Variants in BPTF observed in about 807,000 individuals in gnomAD.
The protein encoded by BPTF is nucleosome-remodeling factor subunit BPTF.
Under a neutral mutation model 292.5 loss-of-function variants are expected in BPTF, and 18 were observed. The ratio of observed to expected loss-of-function variants is 0.06; its 90% confidence interval spans 0.04 to 0.09. The LOEUF (loss-of-function observed/expected upper bound fraction) is 0.09. Ranked by LOEUF, BPTF falls within the 10% of genes least tolerant of loss-of-function variation. The pLI, the probability that BPTF is intolerant of heterozygous loss-of-function variation, is 1.00. For missense variants in BPTF, 2,726 were observed against 3,498.7 expected (o/e 0.78, Z 5.57); for synonymous variants, 1,225 against 1,251.9 (o/e 0.98, Z 0.45).
chr17:67,958,519 G>A (rs1367823444), intron 23 of BPTF, among the ~76,000 whole-genome samples: 3 of 152,194 alleles, frequency 2.0e-5, no homozygotes, highest in African/African-American at 4.8e-5. Context: ...CCTGAGGTCA[G>A]GAGTTCAACA....
chr17:67,830,809 C>T (rs958406955), intron 1 of BPTF, among the ~76,000 whole-genome samples: 4 of 152,158 alleles, frequency 2.6e-5, no homozygotes, highest in African/African-American at 9.7e-5. Flanking sequence ...CTGTACTTTC[C>T]CCCTTTTCTG....
intron 19 of BPTF, among the ~76,000 whole-genome samples, 166 bp from the exon 20 acceptor site, chr17:67,943,984 A>G (rs2065602827): frequency 6.6e-6 from 1 of 152,212 alleles, no homozygotes; most frequent in African/African-American, 2.4e-5. Flanking sequence ...CCTACTAAGC[A>G]ACATAAATAT....
chr17:67,976,635 G>A (rs1426017121), intron 27 of BPTF, among the ~76,000 whole-genome samples: 5 of 143,002 alleles, frequency 3.5e-5, no homozygotes, highest in African/African-American at 5.3e-5. Context: ...GCCGTGAGCT[G>A]TGATTACACC....
chr17:67,962,308 G>T (rs2067588670), intron 24 of BPTF, among the ~76,000 whole-genome samples: 1 of 152,184 alleles, frequency 6.6e-6, no homozygotes, highest in Non-Finnish European at 1.5e-5. Flanking sequence ...TATCAGCAAG[G>T]CCAGTCTGGT....
At chr17:67,895,199 G>A (rs113966366) in intron 7 of BPTF, among the ~76,000 whole-genome samples, 3,457 of 151,954 alleles carry the variant, frequency 0.023, 135 homozygotes, top group African/African-American at 0.079. Flanking sequence ...TGGGTGTGGT[G>A]GCACATGCCT....
chr17:67,841,331 C>T (rs1050001948), intron 1 of BPTF, among the ~76,000 whole-genome samples: 5 of 152,086 alleles, frequency 3.3e-5, no homozygotes, highest in African/African-American at 1.2e-4. Flanking sequence ...ATGGCTTGAA[C>T]CCAGGAGGCG....
Position 67,909,686 on chromosome 17 carries a change from A to G in BPTF, c.2917A>G (p.Lys973Glu), listed in dbSNP as rs1169551725. The G allele has an allele frequency of 1.9e-6, 3 of 1,602,500 alleles. No individual in the cohort carries two copies. The highest frequency in any genetic ancestry group is 4.5e-5 in the East Asian group (2 of 44,734). ...GCCTGATTCTGAAAAAGATGAGGTAAAAGGTTCAGATGCTGCAAAAGGAGC... is the reference window on the plus strand; with the variant it reads ...GCCTGATTCTGAAAAAGATGAGGTAGAAGGTTCAGATGCTGCAAAAGGAGC... The part of the protein sequence containing the change: ...IEPDSEKDEV[K>E]GSDAAKGADQ... The change falls in exon 10 of 28, where the codon AAA (lysine) becomes GAA (glutamate). Residue 973 changes from lysine to glutamate, a missense_variant. By Grantham distance (56) the Lys-to-Glu change is moderately conservative. Coordinates refer to ENST00000306378, the MANE Select transcript of BPTF (RefSeq NM_182641.4).
chr17:67,966,704 G>T, intron 26 of BPTF, 48 bp downstream of exon 26: 1 of 1,359,990 alleles, frequency 7.4e-7, no homozygotes, highest in South Asian at 1.6e-5. Context: ...CTCAGTGGAT[G>T]TTTTATTATC....
rs1478264999 is a variant in BPTF at position 67,866,786 on chromosome 17, T to C, written c.1660+99T>C. On this transcript the variant is annotated intron_variant, in intron 3 of 27. Coordinates refer to ENST00000306378, the MANE Select transcript of BPTF (RefSeq NM_182641.4). ...TTGAAAATAGATTAAAATTTTCAAG[T>C]ACAGTCGTGCATTGCTTAATGATGG... is the stretch of plus-strand genomic sequence containing the variant. The C allele has an allele frequency of 1.8e-5, 16 of 896,724 alleles. No homozygotes were observed. The African/African-American group carries it at 2.4e-4, about 13-fold the overall frequency. 55.5% of individuals were successfully genotyped at this position (896,724 alleles called of 1,614,324 possible). A position where few individuals can be genotyped will look rare whatever the true frequency, so the allele number is the denominator to read the frequency against.
intron 21 of BPTF, among the ~76,000 whole-genome samples, chr17:67,947,050 G>T (rs540890151): frequency 6.6e-6 from 1 of 152,132 alleles, no homozygotes; most frequent in Non-Finnish European, 1.5e-5. Flanking sequence ...TTCACAGTCC[G>T]TGAAACTCAC....
At chr17:67,871,368 G>A (rs2059721833) in intron 3 of BPTF, among the ~76,000 whole-genome samples, 1 of 147,370 alleles carries the variant, frequency 6.8e-6, no homozygotes, top group Non-Finnish European at 1.5e-5. Flanking sequence ...CTTGAACCCA[G>A]AGGCAGAGGT....
At chr17:67,949,231 G>A (rs1336542131) in intron 23 of BPTF, among the ~76,000 whole-genome samples, 3 of 152,078 alleles carry the variant, frequency 2.0e-5, no homozygotes. Context: ...CAAACATGGT[G>A]GCATACGCCT....
chr17:67,874,848 G>A lies in BPTF; in HGVS notation c.1692G>A (p.Lys564=), dbSNP rs779723761. The A allele has an allele frequency of 3.7e-6, 6 of 1,612,936 alleles. No homozygotes were observed. The Admixed American group carries it at 1.0e-4, about 27-fold the overall frequency. ...EEILESIRAK[K]GDIDNVKSPE... is the part of the protein sequence containing the mutation. ...TTTTGGAATCCATAAGAGCCAAAAA[G>A]GGAGACATTGATAATGTTAAAAGCC... The change falls in exon 4 of 28, where the codon AAG becomes AAA. Residue 564 remains lysine (K), a synonymous_variant. Coordinates refer to ENST00000306378, the MANE Select transcript of BPTF (RefSeq NM_182641.4).
chr17:67,841,707 A>T (rs1404633389), intron 1 of BPTF, among the ~76,000 whole-genome samples: 1 of 152,118 alleles, frequency 6.6e-6, no homozygotes, highest in East Asian at 1.9e-4. Context: ...TGGCCATATC[A>T]TTATAATTTG....
At chr17:67,881,918 G>A (rs1307060852) in intron 4 of BPTF, among the ~76,000 whole-genome samples, 2 of 136,744 alleles carry the variant, frequency 1.5e-5, no homozygotes, top group Non-Finnish European at 3.0e-5. Context: ...CCAGGCTGGA[G>A]TGCAGTGGCA....
intron 2 of BPTF, among the ~76,000 whole-genome samples, chr17:67,866,228 A>G (rs1431473476): frequency 6.6e-6 from 1 of 152,184 alleles, no homozygotes; most frequent in Admixed American, 6.5e-5. Context: ...ACTGGCTTCC[A>G]CAAAGTACTC....
In BPTF at chr17:67,976,702, A is replaced by AT. The variant is rs1555694102; in HGVS notation, c.8726+744_8726+745insT. 6.6e-4 allele frequency among the ~76,000 whole-genome samples: 91 copies of AT among 138,016 alleles called. 1 individual carries two copies. The highest frequency in any genetic ancestry group is 3.6e-3 in the Middle Eastern group (1 of 274). 90.5% of individuals were successfully genotyped at this position (138,016 alleles called of 152,430 possible). On this transcript the variant is annotated intron_variant, in intron 27 of 27. Transcript: ENST00000306378. ...CCCTGTCTCAAAAAAAAAAAAAAAA[A>AT]AAAAAAAAAAAAATAAGAATAAAAG...
chr17:67,868,271 AG>A (rs1331743776), intron 3 of BPTF, among the ~76,000 whole-genome samples: 2 of 152,168 alleles, frequency 1.3e-5, no homozygotes, highest in African/African-American at 4.8e-5. Context: ...TCCTTTCTCC[AG>A]AGGCAATCAT....
chr17:67,880,177 C>A (rs984171909), intron 4 of BPTF, among the ~76,000 whole-genome samples: 1 of 152,082 alleles, frequency 6.6e-6, no homozygotes, highest in East Asian at 1.9e-4. Flanking sequence ...TTACCTGCCC[C>A]CGTTAATCGT....
Sources: gnomAD v4.1 joint callset for allele counts (sites outside exome capture counted in the v4.1 genomes callset) on GRCh38, gnomAD v4.1.1 for gene constraint, MANE v1.5 for transcripts, NCBI Gene and HGNC (gene_info 2026-07-23, HGNC 2026-07-21) for gene names.